Variants in STK32B observed in about 807,000 individuals in gnomAD.
The protein encoded by STK32B is serine/threonine kinase 32B.
In STK32B, 43 loss-of-function variants were observed where a neutral mutation model predicts 52.6. That is an observed-to-expected ratio of 0.82 (90% CI 0.64 to 1.05). STK32B has a LOEUF of 1.05. Among genes scored for constraint, STK32B ranks in the 50% least tolerant of loss-of-function variants. The pLI is 0.00. For missense variants in STK32B, 621 were observed against 534.6 expected, an observed-to-expected ratio of 1.16 and a Z score of -1.59; for synonymous variants, 238 against 204.3, an observed-to-expected ratio of 1.17 and a Z score of -1.41.
At chr4:5,308,681 C>T (rs991309063) in intron 3 of STK32B, among the ~76,000 whole-genome samples, 5 of 152,082 alleles carry the variant, frequency 3.3e-5, no homozygotes, top group African/African-American at 1.2e-4. Context: ...TCCAGAGCAC[C>T]TAAACCAGTG....
intron 4 of STK32B, among the ~76,000 whole-genome samples, chr4:5,349,290 G>A (rs900849678): frequency 6.6e-6 from 1 of 152,104 alleles, no homozygotes; most frequent in African/African-American, 2.4e-5. Flanking sequence ...GGCCCACCTT[G>A]TATCCCAGTG....
chr4:5,500,368 A>G lies in STK32B; in HGVS notation c.*1285A>G, dbSNP rs1301766559. On this transcript the variant is annotated 3_prime_UTR_variant, in exon 12 of 12. Transcript: ENST00000282908. ...CCCCAAGCATTGGATGACTCATAGA[A>G]TGGCCTTTTTTGTCAGCATAATCGT... 1.3e-5 allele frequency: 2 copies of G among 152,156 alleles called. No individual in the cohort carries two copies. Among genetic ancestry groups the G allele is most frequent in the South Asian group, 4.1e-4 (2 of 4,826 alleles). 9.4% of individuals were successfully genotyped at this position (152,156 alleles called of 1,614,324 possible). A position where few individuals can be genotyped will look rare whatever the true frequency, so the allele number is the denominator to read the frequency against.
chr4:5,355,342 C>T (rs866560301), intron 4 of STK32B, among the ~76,000 whole-genome samples: 1 of 152,144 alleles, frequency 6.6e-6, no homozygotes, highest in African/African-American at 2.4e-5. Context: ...CTCTTGCAAC[C>T]CTCGTCTGGC....
chr4:5,452,277 G>GA (rs1716074635), intron 7 of STK32B, among the ~76,000 whole-genome samples: 1 of 152,156 alleles, frequency 6.6e-6, no homozygotes, highest in Non-Finnish European at 1.5e-5. Context: ...AGAGGCCAGC[G>GA]AGTGGAGGGA....
the STK32B span, among the ~76,000 whole-genome samples, chr4:5,021,389 G>A: frequency 9.2e-5 from 14 of 152,202 alleles, no homozygotes; most frequent in African/African-American, 3.1e-4. Flanking sequence ...CTTGGAGGTG[G>A]CAAGTGGAGG....
chr4:5,035,781 A>ATT, the STK32B span, among the ~76,000 whole-genome samples: 250 of 143,942 alleles, frequency 1.7e-3, no homozygotes, highest in African/African-American at 6.0e-3. Flanking sequence ...GGATCTGTAA[A>ATT]TTTTTTTTTT....
At chr4:5,049,684 A>G (rs1455204291), upstream of STK32B, among the ~76,000 whole-genome samples, 2 of 152,168 alleles carry the variant, frequency 1.3e-5, no homozygotes, top group Admixed American at 6.5e-5. Flanking sequence ...ATCTGGATGT[A>G]TATGTGCAGG....
chr4:5,022,063 A>G, the STK32B span, among the ~76,000 whole-genome samples: 2 of 152,090 alleles, frequency 1.3e-5, no homozygotes, highest in Admixed American at 6.5e-5. Context: ...CCCAACACAC[A>G]CAAGCTTGCC....
Position 5,204,526 on chromosome 4 carries a change from A to C in STK32B, c.260+36076A>C, listed in dbSNP as rs561878604. ...ACTCTGTTACCCAGGCTGGAGAGCA[A>C]TGGCATGATCTCGACTCACTGCAAT... On this transcript the variant is annotated intron_variant, in intron 3 of 11. Transcript: ENST00000282908. 2.0e-5 allele frequency among the ~76,000 whole-genome samples: 3 copies of C among 148,926 alleles called. No homozygotes were observed. In the East Asian group the frequency reaches 6.0e-4, roughly 30 times the overall value.
intron 1 of STK32B, among the ~76,000 whole-genome samples, chr4:5,131,514 C>T (rs1715773539): frequency 6.6e-6 from 1 of 152,162 alleles, no homozygotes; most frequent in Admixed American, 6.5e-5. Flanking sequence ...TCCTAGAGCC[C>T]TTACCCCAGC....
intron 4 of STK32B, among the ~76,000 whole-genome samples, chr4:5,352,795 A>G (rs1458740140): frequency 6.6e-6 from 1 of 151,928 alleles, no homozygotes; most frequent in Non-Finnish European, 1.5e-5. Context: ...CGATTCATCA[A>G]TAATTAACTA....
intron 3 of STK32B, among the ~76,000 whole-genome samples, chr4:5,189,071 C>T (rs1720978833): frequency 1.3e-5 from 2 of 152,114 alleles, no homozygotes; most frequent in African/African-American, 2.4e-5. Context: ...GAGGAGATTT[C>T]CCATGCACCT....
the STK32B span, among the ~76,000 whole-genome samples, chr4:5,031,898 C>T: frequency 4.0e-4 from 61 of 152,254 alleles, no homozygotes; most frequent in African/African-American, 1.2e-3. Flanking sequence ...CAAGGCTGGT[C>T]GCTCTCACCA....
rs575092438 is a variant in STK32B, at chr4:5,184,969, T to C, written c.260+16519T>C. Among the ~76,000 whole-genome samples, 24 of 152,380 alleles carry C rather than the reference T, an allele frequency of 1.6e-4. No homozygotes were observed. The South Asian group carries it at 5.0e-3, about 32-fold the overall frequency. ...TAGCACTTGTCCTTTGAGGCTGGCC[T>C]CTGGCTGGTTGAGCACCTGAGGTGA... On this transcript the variant is annotated intron_variant, in intron 3 of 11. Transcript: ENST00000282908.
At position 5,051,512 on chromosome 4, in the gene STK32B, C is replaced by A; in HGVS notation, c.-352C>A. 4 of 316,178 alleles carry A rather than the reference C, an allele frequency of 1.3e-5. No homozygotes were observed. The highest frequency in any genetic ancestry group is 1.7e-5 in the Non-Finnish European group (3 of 174,430). 19.6% of individuals were successfully genotyped at this position (316,178 alleles called of 1,614,324 possible). A position where few individuals can be genotyped will look rare whatever the true frequency, so the allele number is the denominator to read the frequency against. Reference sequence around the variant, plus strand: ...TCCTTCCCCTGCTCCCGCGCCGCCTCGCGTCTCCCGCCCGCTGTAGCCGGC... The same window carrying A: ...TCCTTCCCCTGCTCCCGCGCCGCCTAGCGTCTCCCGCCCGCTGTAGCCGGC... On this transcript the variant is annotated 5_prime_UTR_variant, in exon 1 of 12. Transcript: ENST00000282908.
At chr4:5,446,928 C>T (rs1355599937) in intron 7 of STK32B, 152 bp downstream of exon 7, 13 of 634,718 alleles carry the variant, frequency 2.0e-5, no homozygotes, top group African/African-American at 3.6e-5. Context: ...GCCTGTGTGC[C>T]GCCTATGAAC....
At chr4:5,175,034 G>C (rs111390313) in intron 3 of STK32B, among the ~76,000 whole-genome samples, 3 of 151,814 alleles carry the variant, frequency 2.0e-5, no homozygotes, top group African/African-American at 7.3e-5. Flanking sequence ...TTCCCTTCTC[G>C]CTTCATTTCA....
At chr4:5,198,373 A>G (rs150408763) in intron 3 of STK32B, among the ~76,000 whole-genome samples, 30 of 152,328 alleles carry the variant, frequency 2.0e-4, no homozygotes, top group African/African-American at 6.3e-4. Flanking sequence ...CTGATGGGGC[A>G]TGGTGGTGGG....
intron 7 of STK32B, 50 bp downstream of exon 7, chr4:5,446,826 T>C (rs1195672955): frequency 1.3e-6 from 2 of 1,585,420 alleles, no homozygotes; most frequent in Non-Finnish European, 1.7e-6. Context: ...CAGTGGGGGC[T>C]CACGTTGTAC....
Sources: gnomAD v4.1 joint callset for allele counts (sites outside exome capture counted in the v4.1 genomes callset) on GRCh38, gnomAD v4.1.1 for gene constraint, MANE v1.5 for transcripts, NCBI Gene and HGNC (gene_info 2026-07-23, HGNC 2026-07-21) for gene names.